Variants in FGF12 observed in about 807,000 individuals in gnomAD.
The protein encoded by FGF12 is fibroblast growth factor 12B.
FGF12 carries 14 observed loss-of-function variants against 23.6 expected under a neutral mutation model. The observed-to-expected ratio is 0.59, with a 90% CI of 0.39 to 0.93. FGF12 has a LOEUF of 0.93. Ranked by LOEUF, FGF12 falls within the 40% of genes least tolerant of loss-of-function variation. The pLI, the probability that FGF12 is intolerant of heterozygous loss-of-function variation, is 0.00. For missense variants in FGF12, 175 were observed against 217.8 expected, an observed-to-expected ratio of 0.80 and a Z score of 1.24; for synonymous variants, 62 against 77.3, an observed-to-expected ratio of 0.80 and a Z score of 1.04.
In FGF12 at chr3:192,150,575, C is replaced by T. The variant is rs549002275; in HGVS notation, c.428-6448G>A. 1.7e-3 allele frequency among the ~76,000 whole-genome samples: 247 copies of T among 146,112 alleles called. 8 individuals carry two copies. Among genetic ancestry groups the T allele is most frequent in the Admixed American group, 4.1e-3 (59 of 14,380 alleles). On this transcript the variant is annotated intron_variant, in intron 5 of 5. Coordinates refer to ENST00000445105, the MANE Select transcript of FGF12 (RefSeq NM_004113.6). ...CAGCACCATTTATTAAATGGGGAAT[C>T]CTTTCCCCATTGCTTGGTTTTCTCA... is the stretch of plus-strand genomic sequence containing the variant.
At chr3:192,467,199 T>A (rs893674671) in intron 2 of FGF12, among the ~76,000 whole-genome samples, 32 of 152,280 alleles carry the variant, frequency 2.1e-4, no homozygotes, top group African/African-American at 7.7e-4. Flanking sequence ...ATCATATATG[T>A]CGGAAAATTA....
chr3:192,158,358 C>CT (rs1221823946), intron 5 of FGF12, among the ~76,000 whole-genome samples: 11 of 110,930 alleles, frequency 9.9e-5, no homozygotes, highest in African/African-American at 3.1e-4. Context: ...TTCTTTCTTT[C>CT]TTTCTTTCTT....
chr3:192,400,862 C>T (rs1338913626), intron 2 of FGF12, among the ~76,000 whole-genome samples: 1 of 152,182 alleles, frequency 6.6e-6, no homozygotes, highest in South Asian at 2.1e-4. Flanking sequence ...CTCATTCTAC[C>T]TTTACCCACT....
At chr3:192,464,426 C>T (rs1196059036) in intron 2 of FGF12, among the ~76,000 whole-genome samples, 4 of 151,726 alleles carry the variant, frequency 2.6e-5, no homozygotes, top group Middle Eastern at 3.2e-3. Flanking sequence ...CTTAGAATAG[C>T]GGTCTCCATC....
chr3:192,641,813 G>T (rs1248857058), intron 2 of FGF12, among the ~76,000 whole-genome samples: 1 of 152,192 alleles, frequency 6.6e-6, no homozygotes, highest in African/African-American at 2.4e-5. Flanking sequence ...TTGAAACACA[G>T]CTATGACCAT....
chr3:192,413,514 T>C (rs1721260032), intron 2 of FGF12, among the ~76,000 whole-genome samples: 1 of 152,214 alleles, frequency 6.6e-6, no homozygotes, highest in African/African-American at 2.4e-5. Context: ...AGAATGACCA[T>C]GCTGTTATTA....
At chr3:192,592,789 C>T (rs906727793) in intron 2 of FGF12, among the ~76,000 whole-genome samples, 3 of 151,944 alleles carry the variant, frequency 2.0e-5, no homozygotes, top group Admixed American at 2.0e-4. Context: ...TTGAGCATTT[C>T]ATGGAGACTC....
intron 2 of FGF12, among the ~76,000 whole-genome samples, chr3:192,639,227 A>G (rs1047630987): frequency 4.6e-5 from 7 of 152,242 alleles, no homozygotes; most frequent in Non-Finnish European, 8.8e-5. Flanking sequence ...TAATCCGGGA[A>G]ATGTAACTCA....
intron 2 of FGF12, among the ~76,000 whole-genome samples, chr3:192,526,567 C>T (rs750541082): frequency 3.5e-4 from 53 of 152,180 alleles, no homozygotes; most frequent in Non-Finnish European, 6.2e-4. Flanking sequence ...CACACACACA[C>T]ACATGCACAC....
intron 2 of FGF12, among the ~76,000 whole-genome samples, chr3:192,364,375 T>C (rs1577391409): frequency 6.6e-6 from 1 of 152,278 alleles, no homozygotes; most frequent in African/African-American, 2.4e-5. Context: ...AAATGATGAC[T>C]ATATTATTAG....
In FGF12 at chr3:192,210,765, A is replaced by C. The variant is rs562093097; in HGVS notation, c.229-40109T>G. 9.1e-4 allele frequency among the ~76,000 whole-genome samples: 138 copies of C among 152,360 alleles called. 1 individual carries two copies. Among genetic ancestry groups the C allele is most frequent in the African/African-American group, 2.9e-3 (119 of 41,590 alleles). The stretch of plus-strand genomic sequence containing the variant: ...AGAAGAGAGAGACAGTCATGTAATA[A>C]ATATTATATTGGAGGAAATGAGTGC... On this transcript the variant is annotated intron_variant, in intron 4 of 5. Transcript: ENST00000445105.
At chr3:192,557,832 C>G (rs1293821667) in intron 2 of FGF12, among the ~76,000 whole-genome samples, 1 of 151,776 alleles carries the variant, frequency 6.6e-6, no homozygotes, top group Non-Finnish European at 1.5e-5. Context: ...ATCATCAACT[C>G]AATAGATGCA....
rs1713486261 is a variant in FGF12, at chr3:192,143,008, C to G, written c.*1001G>C. 6.6e-6 allele frequency: 1 copy of G among 151,966 alleles called. No homozygotes were observed. The highest frequency in any genetic ancestry group is 2.1e-4 in the South Asian group (1 of 4,828). 9.4% of individuals were successfully genotyped at this position (151,966 alleles called of 1,614,324 possible). ...TCCTTATGTAAAACCCCTGTTCTTTCTTTCCTGCCACAAGACAGGGTACAA... is the reference window on the plus strand; with the variant it reads ...TCCTTATGTAAAACCCCTGTTCTTTGTTTCCTGCCACAAGACAGGGTACAA... On this transcript the variant is annotated 3_prime_UTR_variant, in exon 6 of 6. Coordinates refer to ENST00000445105, the MANE Select transcript of FGF12 (RefSeq NM_004113.6).
chr3:192,305,854 GT>G (rs755560177), intron 4 of FGF12, among the ~76,000 whole-genome samples: 943 of 77,414 alleles, frequency 0.012, 1 homozygote, highest in African/African-American at 0.052. Context: ...CATCTCTCTG[GT>G]TTTTTTTTTT....
At chr3:192,487,254 T>C (rs560996132) in intron 2 of FGF12, among the ~76,000 whole-genome samples, 2 of 152,254 alleles carry the variant, frequency 1.3e-5, no homozygotes, top group Non-Finnish European at 2.9e-5. Flanking sequence ...CCATAGTAAC[T>C]AATAACAATC....
intron 4 of FGF12, among the ~76,000 whole-genome samples, chr3:192,285,124 T>C (rs1714376798): frequency 6.6e-6 from 1 of 152,078 alleles, no homozygotes; most frequent in South Asian, 2.1e-4. Flanking sequence ...AAGTCTTGAG[T>C]ATACTGCTGC....
At chr3:192,456,519 A>G (rs923022600) in intron 2 of FGF12, among the ~76,000 whole-genome samples, 1 of 152,244 alleles carries the variant, frequency 6.6e-6, no homozygotes, top group Non-Finnish European at 1.5e-5. Flanking sequence ...ATACATTTTT[A>G]AAATAAGTGA....
chr3:192,411,249 CA>C (rs1300315333), intron 2 of FGF12, among the ~76,000 whole-genome samples: 4 of 152,192 alleles, frequency 2.6e-5, no homozygotes, highest in Non-Finnish European at 5.9e-5. Context: ...AGGAGTCTAA[CA>C]CCCTACCATG....
intron 2 of FGF12, among the ~76,000 whole-genome samples, chr3:192,572,328 T>G (rs1387106635): frequency 6.6e-6 from 1 of 152,242 alleles, no homozygotes; most frequent in Non-Finnish European, 1.5e-5. Context: ...TGGGCCCATT[T>G]GAAGAACTCT....
Sources: gnomAD v4.1 joint callset for allele counts (sites outside exome capture counted in the v4.1 genomes callset) on GRCh38, gnomAD v4.1.1 for gene constraint, MANE v1.5 for transcripts, NCBI Gene and HGNC (gene_info 2026-07-23, HGNC 2026-07-21) for gene names.